Variants in AGBL4 observed in about 807,000 individuals in gnomAD.
AGBL4 encodes cytosolic carboxypeptidase 6.
AGBL4 carries 58 observed loss-of-function variants against 66.4 expected under a neutral mutation model. The observed-to-expected ratio is 0.87, with a 90% confidence interval of 0.71 to 1.09. The LOEUF is 1.09. Among genes scored for constraint, AGBL4 ranks in the 50% least tolerant of loss-of-function variants. The pLI, the probability that AGBL4 is intolerant of heterozygous loss-of-function variation, is 0.00. For synonymous variants in AGBL4, 234 were observed against 222.9 expected (o/e 1.05, Z -0.44); for missense variants, 579 against 631.0 (o/e 0.92, Z 0.88).
intron 3 of AGBL4, among the ~76,000 whole-genome samples, chr1:49,682,113 TA>T (rs1201806422): frequency 7.2e-5 from 11 of 152,066 alleles, no homozygotes; most frequent in Non-Finnish European, 1.3e-4. Flanking sequence ...TTTCCTTGAT[TA>T]AAAAACATAT....
chr1:49,352,887 T>G (rs1643940091), intron 3 of AGBL4, among the ~76,000 whole-genome samples: 1 of 151,962 alleles, frequency 6.6e-6, no homozygotes, highest in Admixed American at 6.6e-5. Context: ...GCAGATGGAG[T>G]TGGGATTCAA....
intron 3 of AGBL4, among the ~76,000 whole-genome samples, chr1:49,597,532 C>T (rs543451489): frequency 6.6e-6 from 1 of 152,242 alleles, no homozygotes; most frequent in East Asian, 1.9e-4. Flanking sequence ...AGACATGGCA[C>T]ATTCATCAGG....
intron 5 of AGBL4, among the ~76,000 whole-genome samples, chr1:48,886,465 T>A (rs1209733768): frequency 6.6e-6 from 1 of 152,222 alleles, no homozygotes; most frequent in African/African-American, 2.4e-5. Flanking sequence ...TAAAAGGGAA[T>A]AACAATGCTC....
intron 5 of AGBL4, among the ~76,000 whole-genome samples, chr1:49,018,982 A>G (rs1054489951): frequency 6.6e-6 from 1 of 152,162 alleles, no homozygotes; most frequent in African/African-American, 2.4e-5. Context: ...AACCAAAAAA[A>G]CAAACGATTC....
At chr1:49,047,883 A>C (rs1644118457) in intron 4 of AGBL4, among the ~76,000 whole-genome samples, 1 of 152,100 alleles carries the variant, frequency 6.6e-6, no homozygotes, top group African/African-American at 2.4e-5. Flanking sequence ...AAGAGGTCTG[A>C]AGAGGGAGAG....
At chr1:49,409,885 T>A (rs1349545232) in intron 3 of AGBL4, among the ~76,000 whole-genome samples, 1 of 152,186 alleles carries the variant, frequency 6.6e-6, no homozygotes, top group Non-Finnish European at 1.5e-5. Flanking sequence ...CCCAGTCTGA[T>A]TTATTCAAGC....
intron 3 of AGBL4, among the ~76,000 whole-genome samples, chr1:49,632,599 G>T (rs1466916375): frequency 6.6e-6 from 1 of 151,982 alleles, no homozygotes; most frequent in Non-Finnish European, 1.5e-5. Context: ...ATCATCTTTA[G>T]CTCTCCCTAC....
intron 4 of AGBL4, among the ~76,000 whole-genome samples, chr1:49,106,477 C>A (rs910413420): frequency 6.6e-6 from 1 of 152,140 alleles, no homozygotes; most frequent in African/African-American, 2.4e-5. Context: ...ACTGAATTCC[C>A]AGTGATTCTG....
At chr1:49,763,311 T>G (rs1050715211) in intron 2 of AGBL4, among the ~76,000 whole-genome samples, 3 of 152,284 alleles carry the variant, frequency 2.0e-5, no homozygotes, top group Non-Finnish European at 2.9e-5. Flanking sequence ...GTAGTGTGAT[T>G]CCCCCAGCTT....
chr1:49,375,464 C>T (rs149926788), intron 3 of AGBL4, among the ~76,000 whole-genome samples: 2 of 152,112 alleles, frequency 1.3e-5, no homozygotes, highest in African/African-American at 4.8e-5. Context: ...AGTCACGGTG[C>T]CCTTTGATGC....
At chr1:48,650,257 G>A (rs553084693) in intron 8 of AGBL4, among the ~76,000 whole-genome samples, 11 of 152,332 alleles carry the variant, frequency 7.2e-5, no homozygotes, top group Non-Finnish European at 1.5e-4. Context: ...CAGACCTCAC[G>A]GGGATGACTT....
rs537035222 is a variant in AGBL4, at chr1:49,237,221, C to T, written c.377+8549G>A. On this transcript the variant is annotated intron_variant, in intron 4 of 13. Coordinates refer to ENST00000371839, the MANE Select transcript of AGBL4 (RefSeq NM_032785.4). ...GAGCTTGCAGTGAGCCAAGATTGTG[C>T]CACTGCACTCCAGCCTGGGCCACAG... is the stretch of plus-strand genomic sequence containing the variant. Among the ~76,000 whole-genome samples, 216 of 151,712 alleles carry T rather than the reference C, an allele frequency of 1.4e-3. 2 individuals carry two copies. In the Middle Eastern group the frequency reaches 0.017, roughly 12 times the overall value.
chr1:49,991,736 A>G (rs1330440614), intron 1 of AGBL4, among the ~76,000 whole-genome samples: 1 of 152,136 alleles, frequency 6.6e-6, no homozygotes, highest in Non-Finnish European at 1.5e-5. Flanking sequence ...ATTTCTGTCA[A>G]TGAATCCCCA....
At chr1:48,909,968 A>G (rs1042112453) in intron 5 of AGBL4, among the ~76,000 whole-genome samples, 1 of 151,894 alleles carries the variant, frequency 6.6e-6, no homozygotes, top group African/African-American at 2.4e-5. Context: ...TGATTTTCAG[A>G]CTCTCTCTCA....
At chr1:48,789,230 A>G (rs1324715133) in intron 6 of AGBL4, among the ~76,000 whole-genome samples, 1 of 151,670 alleles carries the variant, frequency 6.6e-6, no homozygotes, top group Non-Finnish European at 1.5e-5. Context: ...ATTCCCCATC[A>G]CCAACTCCAC....
chr1:48,882,555 C>T (rs746171641), intron 5 of AGBL4, among the ~76,000 whole-genome samples: 1 of 151,874 alleles, frequency 6.6e-6, no homozygotes, highest in Non-Finnish European at 1.5e-5. Flanking sequence ...AATGTCCTTA[C>T]CACAAAAAAA....
chr1:48,817,734 T>C, intron 6 of AGBL4: 1 of 303,660 alleles, frequency 3.3e-6, no homozygotes, highest in South Asian at 6.0e-5. Context: ...GCTTCCACAG[T>C]AGCAACAGGA....
chr1:49,633,095 A>T (rs1275168673), intron 3 of AGBL4, among the ~76,000 whole-genome samples: 1 of 151,974 alleles, frequency 6.6e-6, no homozygotes, highest in Non-Finnish European at 1.5e-5. Flanking sequence ...AGTAAATAAA[A>T]ATAAAAATAA....
At chr1:49,200,927 A>G (rs764248462) in intron 4 of AGBL4, among the ~76,000 whole-genome samples, 7 of 152,094 alleles carry the variant, frequency 4.6e-5, no homozygotes, top group Non-Finnish European at 1.0e-4. Context: ...TTCTAATTGC[A>G]ACTTGATCTT....
Sources: gnomAD v4.1 joint callset for allele counts (sites outside exome capture counted in the v4.1 genomes callset) on GRCh38, gnomAD v4.1.1 for gene constraint, MANE v1.5 for transcripts, NCBI Gene and HGNC (gene_info 2026-07-23, HGNC 2026-07-21) for gene names.